CAST: variants seen among roughly 807,000 people sequenced by gnomAD.
CAST encodes the protein MIR583 host.
In CAST, 76 loss-of-function variants were observed where a neutral mutation model predicts 119.6. That is an observed-to-expected ratio of 0.64 (90% CI 0.53 to 0.77). CAST has a LOEUF of 0.77. Among genes scored for constraint, CAST ranks in the 30% least tolerant of loss-of-function variants. The probability of loss-of-function intolerance (pLI) is 0.00; values close to 1 mark genes in which losing one functional copy is unlikely to be tolerated. For missense variants in CAST, 953 were observed against 946.5 expected (o/e 1.01, Z -0.09); for synonymous variants, 319 against 331.6 (o/e 0.96, Z 0.41).
chr5:96,641,166 C>T (rs1747944587), intron 1 of CAST, among the ~76,000 whole-genome samples: 1 of 152,080 alleles, frequency 6.6e-6, no homozygotes, highest in African/African-American at 2.4e-5. Flanking sequence ...GCTATTAATA[C>T]TACTGTTTAG....
At chr5:96,288,304 A>T in the CAST span, among the ~76,000 whole-genome samples, 1 of 152,212 alleles carries the variant, frequency 6.6e-6, no homozygotes, top group Non-Finnish European at 1.5e-5. Context: ...GTGAAGTTTC[A>T]TAATAGTTGC....
intron 1 of CAST, among the ~76,000 whole-genome samples, chr5:96,670,912 C>T (rs957412161): frequency 6.6e-6 from 1 of 152,208 alleles, no homozygotes; most frequent in Non-Finnish European, 1.5e-5. Flanking sequence ...TTGAACCTTG[C>T]CCTGGCAGAA....
At chr5:96,681,029 G>A (rs1293974022) in intron 2 of CAST, among the ~76,000 whole-genome samples, 1 of 152,262 alleles carries the variant, frequency 6.6e-6, no homozygotes, top group Non-Finnish European at 1.5e-5. Context: ...TGCGACTTGG[G>A]AGCTGAGTCT....
the CAST span, among the ~76,000 whole-genome samples, chr5:96,419,074 A>G: frequency 6.6e-6 from 1 of 152,032 alleles, no homozygotes. Context: ...CTTGTCACAC[A>G]TGTTATTTAA....
At chr5:96,302,287 A>G in the CAST span, among the ~76,000 whole-genome samples, 1 of 152,072 alleles carries the variant, frequency 6.6e-6, no homozygotes, top group Non-Finnish European at 1.5e-5. Context: ...CCTGCTCACA[A>G]AACTATTTTT....
At chr5:96,310,202 T>A in the CAST span, among the ~76,000 whole-genome samples, 1 of 152,230 alleles carries the variant, frequency 6.6e-6, no homozygotes, top group African/African-American at 2.4e-5. Flanking sequence ...TAATTTTCTG[T>A]CCCTCATTCT....
chr5:96,276,513 A>C, the CAST span, among the ~76,000 whole-genome samples: 1 of 152,232 alleles, frequency 6.6e-6, no homozygotes, highest in Non-Finnish European at 1.5e-5. Context: ...ACTGAGATTG[A>C]AGATGGTAAA....
At chr5:96,024,544 T>C in the CAST span, among the ~76,000 whole-genome samples, 1 of 152,300 alleles carries the variant, frequency 6.6e-6, no homozygotes, top group African/African-American at 2.4e-5. Flanking sequence ...CACAGAATCT[T>C]ATCAGAAATA....
the CAST span, among the ~76,000 whole-genome samples, chr5:96,486,705 T>TGGG: frequency 1.3e-3 from 192 of 151,698 alleles, no homozygotes; most frequent in African/African-American, 4.2e-3. Flanking sequence ...TCTTTTGTGT[T>TGGG]GGGGGGGCAG....
In CAST at chr5:96,695,618, G is replaced by A. The variant is rs190820244; in HGVS notation, c.139-218G>A. Among the ~76,000 whole-genome samples, 2 of 152,056 alleles carry A rather than the reference G, an allele frequency of 1.3e-5. 1 individual carries two copies. Among genetic ancestry groups the A allele is most frequent in the Admixed American group, 1.3e-4 (2 of 15,266 alleles). On this transcript the variant is annotated intron_variant, in intron 2 of 31. Transcript: ENST00000675179. ...CAGTTCTCCAAAATCACTGAATATT[G>A]AACAATTGAGACTTATTCAACTTAC...
chr5:96,037,752 T>A, the CAST span, among the ~76,000 whole-genome samples: 1 of 152,160 alleles, frequency 6.6e-6, no homozygotes, highest in Admixed American at 6.6e-5. Context: ...TTGACCAGGC[T>A]CAACTCAGCT....
chr5:96,393,662 A>G, the CAST span, among the ~76,000 whole-genome samples: 3 of 152,218 alleles, frequency 2.0e-5, no homozygotes, highest in Admixed American at 1.3e-4. Context: ...GAGACTGTAT[A>G]GGTAAGTACT....
the CAST span, chr5:96,421,968 A>G: frequency 2.4e-6 from 3 of 1,248,084 alleles, no homozygotes; most frequent in South Asian, 3.6e-5. Flanking sequence ...TAAAGAGACA[A>G]CAAAATATAA....
the CAST span, among the ~76,000 whole-genome samples, chr5:96,421,516 C>T: frequency 6.6e-6 from 1 of 152,162 alleles, no homozygotes; most frequent in Non-Finnish European, 1.5e-5. Flanking sequence ...CTTTTCATGA[C>T]TAACATAAAG....
chr5:96,180,805 G>A, the CAST span, among the ~76,000 whole-genome samples: 18 of 152,196 alleles, frequency 1.2e-4, no homozygotes, highest in Admixed American at 7.9e-4. Flanking sequence ...CATGTAAACA[G>A]TGGATGCAAG....
At chr5:96,046,905 C>T in the CAST span, among the ~76,000 whole-genome samples, 1 of 151,998 alleles carries the variant, frequency 6.6e-6, no homozygotes, top group Admixed American at 6.6e-5. Context: ...GAAACTTATT[C>T]ATTATCACGA....
the CAST span, among the ~76,000 whole-genome samples, chr5:96,000,286 T>C: frequency 2.0e-5 from 3 of 152,210 alleles, no homozygotes; most frequent in Admixed American, 2.0e-4. Flanking sequence ...TTTTATTTTA[T>C]GGAACATGTT....
the CAST span, among the ~76,000 whole-genome samples, chr5:96,288,936 T>G: frequency 6.6e-6 from 1 of 152,106 alleles, no homozygotes; most frequent in African/African-American, 2.4e-5. Flanking sequence ...GGTGAGCTGG[T>G]TAATGAGCAG....
chr5:96,056,098 C>T, the CAST span, among the ~76,000 whole-genome samples: 2 of 152,016 alleles, frequency 1.3e-5, no homozygotes, highest in African/African-American at 4.8e-5. Context: ...CTTACCTTAC[C>T]TCCCCCTAGT....
Sources: gnomAD v4.1 joint callset for allele counts (sites outside exome capture counted in the v4.1 genomes callset) on GRCh38, gnomAD v4.1.1 for gene constraint, MANE v1.5 for transcripts, NCBI Gene and HGNC (gene_info 2026-07-23, HGNC 2026-07-21) for gene names.